Variants in FLT3 observed in about 807,000 individuals in gnomAD.
The protein encoded by FLT3 is fms related receptor tyrosine kinase 3, also known as receptor-type tyrosine-protein kinase FLT3.
FLT3 carries 46 observed loss-of-function variants against 126.6 expected under a neutral mutation model. The observed-to-expected ratio is 0.36, with a 90% CI of 0.29 to 0.46. The LOEUF is 0.46. Ranked by LOEUF, FLT3 falls within the 20% of genes least tolerant of loss-of-function variation. The pLI, the probability that FLT3 is intolerant of heterozygous loss-of-function variation, is 1.00. For missense variants in FLT3, 1,069 were observed against 1,190.3 expected, an observed-to-expected ratio of 0.90 and a Z score of 1.50; for synonymous variants, 404 against 434.4, an observed-to-expected ratio of 0.93 and a Z score of 0.87.
intron 12 of FLT3, 28 bp downstream of exon 12, chr13:28,035,467 T>A: frequency 1.9e-6 from 3 of 1,595,440 alleles, no homozygotes; most frequent in Non-Finnish European, 2.6e-6. Flanking sequence ...TTCCTGATGG[T>A]GGAATATCAC....
At chr13:28,080,113 T>G (rs9581980) in intron 1 of FLT3, among the ~76,000 whole-genome samples, 24,262 of 152,168 alleles carry the variant, frequency 0.16, 2,087 homozygotes, top group Middle Eastern at 0.24. Context: ...CGGTGGCTCA[T>G]GCCTGTAATC....
intron 9 of FLT3, among the ~76,000 whole-genome samples, chr13:28,045,147 C>A (rs1874740832): frequency 6.6e-6 from 1 of 152,132 alleles, no homozygotes; most frequent in Non-Finnish European, 1.5e-5. Flanking sequence ...AATGAAACTA[C>A]ATGAAGCAGC....
intron 5 of FLT3, among the ~76,000 whole-genome samples, chr13:28,051,100 G>T (rs1168089005): frequency 6.6e-6 from 1 of 152,194 alleles, no homozygotes; most frequent in Non-Finnish European, 1.5e-5. Flanking sequence ...CCACACAGCT[G>T]CTAAGCAAAC....
intron 19 of FLT3, among the ~76,000 whole-genome samples, chr13:28,021,726 CTATT>C (rs1178461344): frequency 6.6e-6 from 1 of 151,784 alleles, no homozygotes; most frequent in Non-Finnish European, 1.5e-5. Context: ...TGTGCCCAGC[CTATT>C]TATTTATTTT....
At chr13:28,020,250 A>G (rs781629179) in intron 19 of FLT3, among the ~76,000 whole-genome samples, 1 of 151,928 alleles carries the variant, frequency 6.6e-6, no homozygotes, top group Non-Finnish European at 1.5e-5. Flanking sequence ...CCTTCCCCCA[A>G]CCAGGTCTGC....
chr13:28,075,227 C>A (rs960522213), intron 1 of FLT3, among the ~76,000 whole-genome samples: 9 of 152,030 alleles, frequency 5.9e-5, no homozygotes, highest in African/African-American at 2.2e-4. Flanking sequence ...TTGCATTTCC[C>A]TGATGATTAG....
chr13:28,067,968 T>A, intron 2 of FLT3: 1 of 313,854 alleles, frequency 3.2e-6, no homozygotes. Flanking sequence ...TCAACTCCAG[T>A]AACTTCAGTT....
intron 1 of FLT3, among the ~76,000 whole-genome samples, chr13:28,079,129 C>A (rs185875002): frequency 1.3e-5 from 2 of 152,188 alleles, no homozygotes; most frequent in Admixed American, 6.5e-5. Context: ...GAATGTGTTG[C>A]TGCTTAGAAA....
chr13:28,051,826 G>A (rs1395851102), intron 5 of FLT3, among the ~76,000 whole-genome samples: 11 of 151,930 alleles, frequency 7.2e-5, no homozygotes, highest in South Asian at 2.1e-4. Context: ...GATTACAGAC[G>A]TGAGCCACTG....
At chr13:28,087,805 T>G (rs1297869940) in intron 1 of FLT3, among the ~76,000 whole-genome samples, 1 of 152,230 alleles carries the variant, frequency 6.6e-6, no homozygotes, top group Non-Finnish European at 1.5e-5. Context: ...AATCTGGTAC[T>G]AATTCTCTCC....
At position 28,028,463 on chromosome 13, in the gene FLT3, G is replaced by A. The variant is rs553588620; in HGVS notation, c.1943-175C>T. On this transcript the variant is annotated intron_variant, in intron 15 of 23. Coordinates refer to ENST00000241453, the MANE Select transcript of FLT3 (RefSeq NM_004119.3). The stretch of plus-strand genomic sequence containing the variant: ...TGTAATCCCAGCACTTTGGGAGGCC[G>A]AGGTGGGTGGATCACTTGAGGTCAG... Among the ~76,000 whole-genome samples, 61 of 152,182 alleles carry A rather than the reference G, an allele frequency of 4.0e-4. No homozygotes were observed. The South Asian group carries it at 5.0e-3, about 12-fold the overall frequency.
chr13:28,062,868 C>G (rs568690022), intron 2 of FLT3, among the ~76,000 whole-genome samples: 15 of 152,088 alleles, frequency 9.9e-5, no homozygotes, highest in Non-Finnish European at 1.8e-4. Flanking sequence ...GCTCACTGCC[C>G]TTAGAAGGAA....
At position 28,037,161 on chromosome 13, in the gene FLT3, C is replaced by A. The variant is rs369955324; in HGVS notation, c.1309+24G>T. ...AATTAAGGAATTAAAAAATAAAAAT[C>A]AAATTCTCGGCAATTTAACTTACTT... On this transcript the variant is annotated intron_variant, in intron 10 of 23. Coordinates refer to ENST00000241453, the MANE Select transcript of FLT3 (RefSeq NM_004119.3). 6 of 1,342,096 alleles carry A rather than the reference C, an allele frequency of 4.5e-6. No homozygotes were observed. The African/African-American group carries it at 8.7e-5, about 19-fold the overall frequency. 83.1% of individuals were successfully genotyped at this position (1,342,096 alleles called of 1,614,324 possible).
At chr13:28,087,116 A>T (rs957570161) in intron 1 of FLT3, among the ~76,000 whole-genome samples, 1 of 152,188 alleles carries the variant, frequency 6.6e-6, no homozygotes, top group African/African-American at 2.4e-5. Context: ...GTTGTCCAGG[A>T]TGAAGTACAG....
At chr13:28,041,205 T>C (rs1271903377) in intron 9 of FLT3, among the ~76,000 whole-genome samples, 1 of 151,858 alleles carries the variant, frequency 6.6e-6, no homozygotes, top group Non-Finnish European at 1.5e-5. Context: ...AGGAAGGCAG[T>C]GTGGAAGAGG....
chr13:28,044,446 T>A (rs1256722140), intron 9 of FLT3, among the ~76,000 whole-genome samples: 1 of 94,210 alleles, frequency 1.1e-5, no homozygotes, highest in Non-Finnish European at 2.2e-5. Flanking sequence ...TGAGACTCTG[T>A]CTCAAAAAAA....
chr13:28,052,318 A>T lies in FLT3; in HGVS notation c.614+227T>A, dbSNP rs1221701663. On this transcript the variant is annotated intron_variant, in intron 5 of 23. Coordinates refer to ENST00000241453, the MANE Select transcript of FLT3 (RefSeq NM_004119.3). ...ACCATGTTGGCCAGGCTGGTCTCAAACTCCTGACCTCAAGTGATCTGTCCA... is the reference window on the plus strand; with the variant it reads ...ACCATGTTGGCCAGGCTGGTCTCAATCTCCTGACCTCAAGTGATCTGTCCA... Among the ~76,000 whole-genome samples, 826 of 149,942 alleles carry T rather than the reference A, an allele frequency of 5.5e-3. 6 individuals are homozygous for T. Among genetic ancestry groups the T allele is most frequent in the African/African-American group, 0.019 (761 of 40,250 alleles).
chr13:28,061,861 A>G lies in FLT3; in HGVS notation c.368+6T>C. 6.2e-7 allele frequency: 1 copy of G among 1,608,416 alleles called. No individual in the cohort carries two copies. Among genetic ancestry groups the G allele is most frequent in the Non-Finnish European group, 8.5e-7 (1 of 1,174,994 alleles). On this transcript the variant is annotated splice_donor_region_variant and intron_variant, in intron 3 of 23. Transcript: ENST00000241453. ...TTTTATGTCAAGAAGGTATTCCTCC[A>G]CTTACCTGTTTTGTAAATCAAAATG...
Position 28,024,901 on chromosome 13 carries a change from A to C in FLT3, c.2250T>G (p.Asp750Glu). 6.2e-7 allele frequency: 1 copy of C among 1,612,728 alleles called. No homozygotes were observed. Among genetic ancestry groups the C allele is most frequent in the Non-Finnish European group, 8.5e-7 (1 of 1,179,472 alleles). Residue 750 changes from aspartate (D) to glutamate (E), a missense_variant, in exon 18 of 24, where the codon GAT (aspartate) becomes GAG (glutamate). Coordinates refer to ENST00000241453, the MANE Select transcript of FLT3 (RefSeq NM_004119.3). ...SREVQIHPDS[D>E]QISGLHGNSF... is the part of the protein sequence containing the mutation. ...AATTCCCATGAAGCCCTGAGATTTG[A>C]TCCGAGTCCGGGTGTATCTGAACTT...
Sources: allele counts gnomAD v4.1 joint callset (sites outside exome capture counted in the v4.1 genomes callset), GRCh38; gene constraint gnomAD v4.1.1; transcripts MANE v1.5; gene names NCBI Gene and HGNC (gene_info 2026-07-23, HGNC 2026-07-21).